The following SRGAP3 variants were observed in gnomAD, a reference collection of about 807,000 sequenced individuals.
SRGAP3 encodes SLIT-ROBO Rho GTPase activating protein 3.
A neutral mutation model predicts 121.1 loss-of-function variants in SRGAP3; 39 were observed. The observed-to-expected ratio is 0.32, with a 90% CI of 0.25 to 0.42. SRGAP3 has a LOEUF of 0.42. Ranked by LOEUF, SRGAP3 falls within the 10% of genes least tolerant of loss-of-function variation. SRGAP3 has a pLI of 1.00. For missense variants in SRGAP3, 1,213 were observed against 1,470.6 expected (o/e 0.82, Z 2.86); for synonymous variants, 601 against 570.0 (o/e 1.05, Z -0.77).
intron 1 of SRGAP3, among the ~76,000 whole-genome samples, chr3:9,209,065 G>T (rs1019400704): frequency 6.6e-6 from 1 of 152,166 alleles, no homozygotes; most frequent in East Asian, 1.9e-4. Context: ...TAATCATCCA[G>T]ATGTTTGGTA....
intron 2 of SRGAP3, among the ~76,000 whole-genome samples, chr3:9,114,795 G>A (rs747708173): frequency 1.5e-4 from 23 of 152,136 alleles, no homozygotes; most frequent in Non-Finnish European, 2.8e-4. Context: ...AAAAGACCCC[G>A]ATCCATGGCT....
At position 9,258,124 on chromosome 3, in the gene SRGAP3, A is replaced by G. The variant is rs146755155; in HGVS notation, n.442+67886T>C. Among the ~76,000 whole-genome samples the G allele has an allele frequency of 7.8e-3, 1,185 of 152,296 alleles. 8 individuals carry two copies. The highest frequency in any genetic ancestry group is 0.012 in the Non-Finnish European group (822 of 68,026). ...TCAGTTTAATGGAAGAGACTGGTAA[A>G]CAGGCAATTGTAATTCAACATTATG... On this transcript the variant is annotated intron_variant and non_coding_transcript_variant, in intron 3 of 3. Transcript: ENST00000490889.
intron 1 of SRGAP3, among the ~76,000 whole-genome samples, chr3:9,234,775 A>G (rs985953303): frequency 2.6e-5 from 4 of 152,212 alleles, no homozygotes; most frequent in Non-Finnish European, 5.9e-5. Flanking sequence ...CACAATGGCC[A>G]GGAAATCCAG....
chr3:9,075,806 G>A (rs547056428), intron 4 of SRGAP3, among the ~76,000 whole-genome samples: 2 of 152,336 alleles, frequency 1.3e-5, no homozygotes, highest in South Asian at 4.1e-4. Flanking sequence ...CTGTAGACTT[G>A]TATAACCAGG....
Position 9,362,617 on chromosome 3 carries a change from AT to A in SRGAP3, n.214+222del, listed in dbSNP as rs796195217. The stretch of plus-strand genomic sequence containing the variant: ...CAACATAGTGAGCCCCACTATTTCT[AT>A]TTTTTTTAAACTAAAGAAAAATATG... On this transcript the variant is annotated intron_variant and non_coding_transcript_variant, in intron 1 of 3. Transcript: ENST00000490889. Among the ~76,000 whole-genome samples, 20 of 151,690 alleles carry A rather than the reference AT, an allele frequency of 1.3e-4. 1 individual carries two copies. The highest frequency in any genetic ancestry group is 1.2e-3 in the Admixed American group (18 of 15,238).
At chr3:9,123,397 A>ATATATATATATAT (rs764680440) in intron 2 of SRGAP3, among the ~76,000 whole-genome samples, 2 of 89,226 alleles carry the variant, frequency 2.2e-5, no homozygotes, top group African/African-American at 7.6e-5. Context: ...ATACATACAC[A>ATATATATATATAT]ATACACATAC....
At chr3:9,020,907 C>G (rs1943882370) in intron 14 of SRGAP3, among the ~76,000 whole-genome samples, 1 of 152,240 alleles carries the variant, frequency 6.6e-6, no homozygotes, top group Admixed American at 6.5e-5. Context: ...AATTGCCCTG[C>G]CTGGAGCTTA....
intron 1 of SRGAP3, among the ~76,000 whole-genome samples, chr3:9,353,057 T>C (rs996926895): frequency 6.6e-6 from 1 of 152,202 alleles, no homozygotes; most frequent in Non-Finnish European, 1.5e-5. Flanking sequence ...TGCTTTGCCT[T>C]TGGCACCGTG....
rs980895701 is a variant in SRGAP3, at chr3:8,982,792, T to C, written c.*2727A>G. 5.4e-5 allele frequency: 12 copies of C among 220,634 alleles called. No homozygotes were observed. The highest frequency in any genetic ancestry group is 1.1e-4 in the Non-Finnish European group (12 of 110,916). 13.7% of individuals were successfully genotyped at this position (220,634 alleles called of 1,614,324 possible). On this transcript the variant is annotated 3_prime_UTR_variant, in exon 22 of 22. Transcript: ENST00000383836. ...TGGATGAGTGGGGAGACGTCTGCCA[T>C]CTGTGTGTGTACATCCCTAAATGTG...
At chr3:9,348,976 G>C (rs2029905790) in intron 1 of SRGAP3, 3 of 919,080 alleles carry the variant, frequency 3.3e-6, no homozygotes, top group Non-Finnish European at 5.5e-6. Flanking sequence ...AGGGGAAGCA[G>C]GTACTAATTG....
chr3:9,256,065 C>T (rs1170649423), intron 3 of SRGAP3, among the ~76,000 whole-genome samples: 1 of 152,122 alleles, frequency 6.6e-6, no homozygotes, highest in African/African-American at 2.4e-5. Context: ...CCCTGCAATG[C>T]ACACAGGAAC....
chr3:9,265,013 T>G (rs916430316), intron 3 of SRGAP3, among the ~76,000 whole-genome samples: 7 of 152,222 alleles, frequency 4.6e-5, no homozygotes, highest in Non-Finnish European at 8.8e-5. Flanking sequence ...ATGGTACTGG[T>G]ATCAAAACAG....
intron 2 of SRGAP3, among the ~76,000 whole-genome samples, chr3:9,123,787 CAGAGAGAGAG>C (rs150619593): frequency 2.2e-5 from 3 of 133,680 alleles, no homozygotes; most frequent in Non-Finnish European, 3.2e-5. Flanking sequence ...TGTGTATACA[CAGAGAGAGAG>C]AGAGAGAGAG....
chr3:9,184,708 A>T, intron 1 of SRGAP3, among the ~76,000 whole-genome samples: 1 of 152,190 alleles, frequency 6.6e-6, no homozygotes, highest in South Asian at 2.1e-4. Context: ...CTAAGGGTCA[A>T]ACAAATGGTA....
chr3:9,360,555 G>C (rs759276257), intron 1 of SRGAP3, among the ~76,000 whole-genome samples: 1 of 152,158 alleles, frequency 6.6e-6, no homozygotes, highest in African/African-American at 2.4e-5. Context: ...CCCAAGACTG[G>C]GCAATTTGCA....
At chr3:9,106,775 T>A (rs1948432937) in intron 2 of SRGAP3, among the ~76,000 whole-genome samples, 1 of 152,018 alleles carries the variant, frequency 6.6e-6, no homozygotes, top group Non-Finnish European at 1.5e-5. Flanking sequence ...CAATTAAACT[T>A]CTTTTTCTTC....
chr3:9,075,916 T>C lies in SRGAP3; in HGVS notation c.486+4109A>G, dbSNP rs971671857. On this transcript the variant is annotated intron_variant, in intron 4 of 21. Coordinates refer to ENST00000383836, the MANE Select transcript of SRGAP3 (RefSeq NM_014850.4). ...AGCTGGGTGGCTGGAGTGAACTGTT[T>C]GCAAAGAGGATTGTGATCATTACTG... Among the ~76,000 whole-genome samples the C allele has an allele frequency of 5.9e-5, 9 of 152,316 alleles. No homozygotes were observed. In the South Asian group the frequency reaches 1.2e-3, roughly 21 times the overall value.
chr3:9,325,130 T>C (rs962450605), intron 3 of SRGAP3, among the ~76,000 whole-genome samples: 2 of 151,782 alleles, frequency 1.3e-5, no homozygotes, highest in South Asian at 2.1e-4. Context: ...GTTTTTGTCA[T>C]TCCACTTGAA....
At chr3:9,220,424 GCCT>G (rs1952775501) in intron 1 of SRGAP3, among the ~76,000 whole-genome samples, 1 of 152,150 alleles carries the variant, frequency 6.6e-6, no homozygotes, top group Admixed American at 6.5e-5. Flanking sequence ...TCAAGATGAA[GCCT>G]CCTCTGCAGC....
Sources: allele counts gnomAD v4.1 joint callset (sites outside exome capture counted in the v4.1 genomes callset), GRCh38; gene constraint gnomAD v4.1.1; transcripts MANE v1.5; gene names NCBI Gene and HGNC (gene_info 2026-07-23, HGNC 2026-07-21).